CDH13: variants seen among roughly 807,000 people sequenced by gnomAD.
CDH13 encodes the protein cadherin 13.
A neutral mutation model predicts 63.8 loss-of-function variants in CDH13; 24 were observed. That is an observed-to-expected ratio of 0.38 (90% confidence interval 0.27 to 0.53). The LOEUF (loss-of-function observed/expected upper bound fraction) is 0.53, where lower values mean the gene tolerates loss of function less well. CDH13 is among the 20% of genes least tolerant of loss of function. The probability of loss-of-function intolerance (pLI) is 0.85; values close to 1 mark genes in which losing one functional copy is unlikely to be tolerated. For synonymous variants in CDH13, 503 were observed against 355.3 expected, an observed-to-expected ratio of 1.42 and a Z score of -4.67; for missense variants, 1,049 against 903.1, an observed-to-expected ratio of 1.16 and a Z score of -2.07.
At chr16:83,261,705 CT>C (rs34277110) in intron 5 of CDH13, among the ~76,000 whole-genome samples, 14,721 of 144,474 alleles carry the variant, frequency 0.1, 923 homozygotes, top group Non-Finnish European at 0.14. Context: ...TTATTTTCCT[CT>C]TTTTTTTTTT....
At chr16:82,669,195 A>T (rs1360789643) in intron 1 of CDH13, among the ~76,000 whole-genome samples, 1 of 152,168 alleles carries the variant, frequency 6.6e-6, no homozygotes, top group African/African-American at 2.4e-5. Context: ...TGAGGACACC[A>T]TTCCTCTCTG....
At chr16:83,736,429 T>A (rs1454425898) in intron 10 of CDH13, among the ~76,000 whole-genome samples, 4 of 152,214 alleles carry the variant, frequency 2.6e-5, no homozygotes, top group East Asian at 1.9e-4. Flanking sequence ...ATGATATTGT[T>A]AAATTTGTGG....
At position 82,700,974 on chromosome 16, in the gene CDH13, C is replaced by CG. The variant is rs1555536213; in HGVS notation, c.45+73838dup. ...GAACCCGCCCCCCCCCCCCCCCCCC[C>CG]GCCCCGGGCATCTCCAAACTGCTGT... is the stretch of plus-strand genomic sequence containing the variant. On this transcript the variant is annotated intron_variant, in intron 1 of 13. Transcript: ENST00000567109. Among the ~76,000 whole-genome samples the CG allele has an allele frequency of 3.8e-4, 15 of 39,652 alleles. 1 individual carries two copies. Among genetic ancestry groups the CG allele is most frequent in the East Asian group, 1.2e-3 (1 of 830 alleles). The allele number at this position is 39,652 out of a possible 152,430, so 26.0% of individuals were successfully genotyped here. A position where few individuals can be genotyped will look rare whatever the true frequency, so the allele number is the denominator to read the frequency against.
intron 1 of CDH13, among the ~76,000 whole-genome samples, chr16:82,661,778 T>A (rs1482851751): frequency 1.3e-5 from 2 of 152,158 alleles, no homozygotes; most frequent in Admixed American, 6.5e-5. Context: ...AATTAGGGAA[T>A]AAAGAGCTAG....
chr16:83,058,637 C>T (rs1479251394), intron 3 of CDH13, among the ~76,000 whole-genome samples: 1 of 152,144 alleles, frequency 6.6e-6, no homozygotes, highest in Non-Finnish European at 1.5e-5. Context: ...TAATGATGTT[C>T]CCATACTGAT....
chr16:82,740,408 A>AC (rs1875291695), intron 1 of CDH13, among the ~76,000 whole-genome samples: 1 of 152,180 alleles, frequency 6.6e-6, no homozygotes, highest in Non-Finnish European at 1.5e-5. Context: ...TATTAGCCCA[A>AC]CCCGCTTTCT....
At chr16:83,190,280 G>C (rs1216911155) in intron 4 of CDH13, among the ~76,000 whole-genome samples, 1 of 152,270 alleles carries the variant, frequency 6.6e-6, no homozygotes, top group African/African-American at 2.4e-5. Flanking sequence ...CCATGATTGT[G>C]GTACAGCTGA....
At chr16:83,764,670 TCC>T (rs1914243031) in intron 11 of CDH13, among the ~76,000 whole-genome samples, 1 of 149,448 alleles carries the variant, frequency 6.7e-6, no homozygotes, top group African/African-American at 2.5e-5. Context: ...CTGCCTGCCT[TCC>T]CTGAGGCCCT....
intron 2 of CDH13, among the ~76,000 whole-genome samples, chr16:82,983,517 C>T (rs901527185): frequency 6.6e-6 from 1 of 152,188 alleles, no homozygotes; most frequent in East Asian, 1.9e-4. Context: ...TTACAACTGC[C>T]AGTAAGGGAG....
chr16:82,976,426 G>A (rs980970981), intron 2 of CDH13, among the ~76,000 whole-genome samples: 48 of 152,300 alleles, frequency 3.2e-4, no homozygotes, highest in African/African-American at 4.6e-4. Flanking sequence ...CTGTGCTGGA[G>A]CTCCAGGCGC....
At chr16:82,691,564 A>G (rs571522680) in intron 1 of CDH13, among the ~76,000 whole-genome samples, 2 of 152,118 alleles carry the variant, frequency 1.3e-5, no homozygotes, top group African/African-American at 4.8e-5. Context: ...ACTTGGGGAG[A>G]TTGTCTTCCA....
chr16:82,971,370 C>T (rs756806489), intron 2 of CDH13, among the ~76,000 whole-genome samples: 2 of 152,192 alleles, frequency 1.3e-5, no homozygotes, highest in Non-Finnish European at 2.9e-5. Context: ...TCCACATCAA[C>T]CCCGCACACT....
At chr16:83,351,885 G>A (rs2090958456) in intron 6 of CDH13, among the ~76,000 whole-genome samples, 1 of 152,196 alleles carries the variant, frequency 6.6e-6, no homozygotes. Context: ...CAAACATACT[G>A]ATGGATATTT....
chr16:83,477,399 T>G (rs2073632993), intron 6 of CDH13, among the ~76,000 whole-genome samples: 1 of 152,184 alleles, frequency 6.6e-6, no homozygotes. Flanking sequence ...ATGGAGACAC[T>G]TAGGACTGTT....
chr16:82,670,521 A>G (rs797008958), intron 1 of CDH13, among the ~76,000 whole-genome samples: 1 of 152,164 alleles, frequency 6.6e-6, no homozygotes, highest in Non-Finnish European at 1.5e-5. Context: ...ACCATGCACT[A>G]CCCAGGTTTG....
chr16:83,558,532 C>T (rs1363417184), intron 7 of CDH13, among the ~76,000 whole-genome samples: 1 of 152,134 alleles, frequency 6.6e-6, no homozygotes, highest in Non-Finnish European at 1.5e-5. Flanking sequence ...GCAACGTGGA[C>T]CACAGGTCTT....
At chr16:82,668,715 A>T (rs147921586) in intron 1 of CDH13, among the ~76,000 whole-genome samples, 62 of 152,250 alleles carry the variant, frequency 4.1e-4, no homozygotes, top group African/African-American at 1.3e-3. Context: ...TTTGGGAATG[A>T]CTGTCGTAGG....
intron 4 of CDH13, among the ~76,000 whole-genome samples, chr16:83,211,998 G>A (rs568273890): frequency 6.6e-6 from 1 of 152,296 alleles, no homozygotes; most frequent in East Asian, 1.9e-4. Context: ...CTGCTATGGA[G>A]TATATAATGG....
At chr16:83,307,517 A>G (rs1323165643) in intron 5 of CDH13, among the ~76,000 whole-genome samples, 3 of 152,110 alleles carry the variant, frequency 2.0e-5, no homozygotes, top group Non-Finnish European at 2.9e-5. Context: ...TTTTAAGGCA[A>G]TTTTACTAAT....
Sources: allele counts gnomAD v4.1 joint callset (sites outside exome capture counted in the v4.1 genomes callset), GRCh38; gene constraint gnomAD v4.1.1; transcripts MANE v1.5; gene names NCBI Gene and HGNC (gene_info 2026-07-23, HGNC 2026-07-21).